Variants in NR1I2 observed in about 807,000 individuals in gnomAD.
NR1I2 encodes the protein nuclear receptor subfamily 1 group I member 2.
Under a neutral mutation model 43.3 loss-of-function variants are expected in NR1I2, and 42 were observed. That is an observed-to-expected ratio of 0.97 (90% CI 0.76 to 1.26). The LOEUF is 1.26. NR1I2 is among the 50% of genes most tolerant of loss of function. The pLI, the probability that NR1I2 is intolerant of heterozygous loss-of-function variation, is 0.00. For missense variants in NR1I2, 559 were observed against 566.7 expected, an observed-to-expected ratio of 0.99 and a Z score of 0.14; for synonymous variants, 229 against 215.0, an observed-to-expected ratio of 1.06 and a Z score of -0.57.
intron 1 of NR1I2, among the ~76,000 whole-genome samples, chr3:119,788,327 A>AT (rs2054873274): frequency 6.6e-6 from 1 of 152,152 alleles, no homozygotes; most frequent in African/African-American, 2.4e-5. Context: ...GTTGTTGCCC[A>AT]GGTTCATCTG....
intron 3 of NR1I2, 148 bp from the exon 4 acceptor site, chr3:119,811,388 GAGT>G (rs1251014816): frequency 2.9e-5 from 21 of 726,462 alleles, no homozygotes; most frequent in Middle Eastern, 3.9e-4. Context: ...CAGGCCTCTT[GAGT>G]CCAGACAGGG....
intron 1 of NR1I2, among the ~76,000 whole-genome samples, chr3:119,784,635 C>T (rs1490797535): frequency 6.6e-6 from 1 of 152,164 alleles, no homozygotes; most frequent in Non-Finnish European, 1.5e-5. Context: ...AATTATGAAG[C>T]TACTTTGGTG....
At chr3:119,791,901 T>C (rs1478241826) in intron 1 of NR1I2, 3 of 629,682 alleles carry the variant, frequency 4.8e-6, no homozygotes, top group Non-Finnish European at 9.0e-6. Flanking sequence ...CTCTGCCTTA[T>C]ATAACATGGA....
chr3:119,817,761 G>A lies in NR1I2; in HGVS notation c.*549G>A. The A allele has an allele frequency of 9.9e-7, 1 of 1,009,414 alleles. No individual in the cohort carries two copies. Among genetic ancestry groups the A allele is most frequent in the Non-Finnish European group, 1.2e-6 (1 of 842,978 alleles). The allele number at this position is 1,009,414 out of a possible 1,614,324, so 62.5% of individuals were successfully genotyped here. On this transcript the variant is annotated 3_prime_UTR_variant, in exon 9 of 9. Transcript: ENST00000393716. ...CATGAGTATCTGTGGGAGTCCTCTA[G>A]AGAGATGAGAAGCCAGGAGGCCTGC...
Position 119,815,812 on chromosome 3 carries a change from C to T in NR1I2, c.1141C>T (p.Arg381Trp), listed in dbSNP as rs72551375. 133 of 1,611,344 alleles carry T rather than the reference C, an allele frequency of 8.3e-5. No homozygotes were observed. The Middle Eastern group carries it at 9.9e-4, about 12-fold the overall frequency. ...TCTGAAGTCCTACATTGAATGCAATCGGCCCCAGCCTGCTCATAGGTGAGC... is the reference window on the plus strand; with the variant it reads ...TCTGAAGTCCTACATTGAATGCAATTGGCCCCAGCCTGCTCATAGGTGAGC... Residue 381 changes from arginine to tryptophan, a missense_variant, in exon 8 of 9, where the codon CGG becomes TGG. Arg to Trp is a moderately radical substitution (Grantham distance 101, BLOSUM62 -3). Transcript: ENST00000393716.
chr3:119,801,996 A>G (rs780118356), intron 1 of NR1I2, among the ~76,000 whole-genome samples: 3 of 152,170 alleles, frequency 2.0e-5, no homozygotes, highest in Admixed American at 6.5e-5. Flanking sequence ...ACAAAAGCAG[A>G]AGCTACCAGG....
rs567131552 is a variant in NR1I2, at chr3:119,798,132, G to A, written c.-22-9097G>A. 3.9e-5 allele frequency among the ~76,000 whole-genome samples: 6 copies of A among 152,218 alleles called. 1 individual carries two copies. The South Asian group carries it at 8.3e-4, about 21-fold the overall frequency. ...GTGCTTTCCCAGATTGCTTCTGTCC[G>A]ATTCTTGTGTCCGTAACATATGTTA... On this transcript the variant is annotated intron_variant, in intron 1 of 8. Coordinates refer to ENST00000393716, the MANE Select transcript of NR1I2 (RefSeq NM_003889.4).
rs756493951 is a variant in NR1I2, at chr3:119,807,341, G to A, written c.91G>A (p.Ala31Thr). The A allele has an allele frequency of 1.7e-5, 28 of 1,614,104 alleles. No homozygotes were observed. In the Admixed American group the frequency reaches 2.5e-4, roughly 14 times the overall value. Residue 31 changes from alanine to threonine, a missense_variant, in exon 2 of 9, where the codon GCA becomes ACA. Ala to Thr is a moderately conservative substitution (Grantham distance 58). Coordinates refer to ENST00000393716, the MANE Select transcript of NR1I2 (RefSeq NM_003889.4). The stretch of plus-strand genomic sequence containing the variant: ...TGTTCCTGGAAAGCCCAGTGTCAAC[G>A]CAGATGAGGAAGTCGGAGGTCCCCA...
At chr3:119,805,464 A>C (rs1219043370) in intron 1 of NR1I2, among the ~76,000 whole-genome samples, 1 of 152,086 alleles carries the variant, frequency 6.6e-6, no homozygotes, top group African/African-American at 2.4e-5. Context: ...GCTGAGGCGG[A>C]GGCTGAGGCG....
At chr3:119,804,442 ATT>A (rs758279497) in intron 1 of NR1I2, among the ~76,000 whole-genome samples, 4,092 of 118,532 alleles carry the variant, frequency 0.035, 141 homozygotes, top group African/African-American at 0.12. Flanking sequence ...CATAGTTGGT[ATT>A]TTTTTTTTTT....
At chr3:119,804,980 C>T (rs955995824) in intron 1 of NR1I2, among the ~76,000 whole-genome samples, 20 of 152,086 alleles carry the variant, frequency 1.3e-4, no homozygotes, top group African/African-American at 4.6e-4. Context: ...TTCAACAATA[C>T]AGAACCTTAG....
chr3:119,808,853 T>C (rs1344279511), intron 2 of NR1I2, among the ~76,000 whole-genome samples: 1 of 152,230 alleles, frequency 6.6e-6, no homozygotes, highest in Non-Finnish European at 1.5e-5. Flanking sequence ...ATCTGATACA[T>C]AGCATACCTT....
chr3:119,785,549 G>A (rs1323704684), intron 1 of NR1I2, among the ~76,000 whole-genome samples: 1 of 152,196 alleles, frequency 6.6e-6, no homozygotes, highest in Non-Finnish European at 1.5e-5. Context: ...TACTGAGGAT[G>A]TCACCCTTAG....
At chr3:119,792,542 C>T in intron 1 of NR1I2, 1 of 994,162 alleles carries the variant, frequency 1.0e-6, no homozygotes. Flanking sequence ...GCTCCTCCAG[C>T]TGCCCCAGTG....
In NR1I2 at chr3:119,812,830, G is replaced by A; in HGVS notation, c.664G>A (p.Val222Ile). 6.2e-7 allele frequency: 1 copy of A among 1,614,240 alleles called. No individual in the cohort carries two copies. The highest frequency in any genetic ancestry group is 1.3e-5 in the African/African-American group (1 of 75,068). Residue 222 changes from valine (V) to isoleucine (I), a missense_variant, in exon 5 of 9, where the codon GTC becomes ATC. Transcript: ENST00000393716. ...GCAGCTGCGGGGGGAGGATGGCAGT[G>A]TCTGGAACTACAAACCCCCAGCCGA...
intron 1 of NR1I2, chr3:119,792,685 C>A: frequency 2.0e-6 from 1 of 499,426 alleles, no homozygotes; most frequent in Non-Finnish European, 3.6e-6. Context: ...GAAGGAAATA[C>A]AGATAAAATC....
chr3:119,800,478 C>T (rs1007637901), intron 1 of NR1I2, among the ~76,000 whole-genome samples: 5 of 152,180 alleles, frequency 3.3e-5, no homozygotes, highest in Admixed American at 1.3e-4. Flanking sequence ...TATTATGGGT[C>T]TTTTACTTTT....
chr3:119,807,497 G>T (rs370424408), intron 2 of NR1I2, 50 bp downstream of exon 2: 3 of 1,538,206 alleles, frequency 2.0e-6, no homozygotes, highest in Non-Finnish European at 2.7e-6. Flanking sequence ...GACCCACTGG[G>T]TAACGTCTCA....
At chr3:119,802,274 C>A (rs114728468) in intron 1 of NR1I2, among the ~76,000 whole-genome samples, 3 of 152,166 alleles carry the variant, frequency 2.0e-5, no homozygotes, top group Admixed American at 6.5e-5. Flanking sequence ...ACAAATACTG[C>A]GGAATGAGAT....
Sources: allele counts gnomAD v4.1 joint callset (sites outside exome capture counted in the v4.1 genomes callset), GRCh38; gene constraint gnomAD v4.1.1; transcripts MANE v1.5; gene names NCBI Gene and HGNC (gene_info 2026-07-23, HGNC 2026-07-21).